The following NEDD4L variants were observed in gnomAD, a reference collection of about 807,000 sequenced individuals.
The protein encoded by NEDD4L is NEDD4 like E3 ubiquitin protein ligase, also known as E3 ubiquitin-protein ligase NEDD4-like.
A neutral mutation model predicts 148.9 loss-of-function variants in NEDD4L; 54 were observed. The observed-to-expected ratio is 0.36, with a 90% CI of 0.29 to 0.45. The LOEUF (loss-of-function observed/expected upper bound fraction) is 0.45, where lower values mean the gene tolerates loss of function less well. Ranked by LOEUF, NEDD4L falls within the 20% of genes least tolerant of loss-of-function variation. NEDD4L has a pLI of 1.00. For missense variants in NEDD4L, 856 were observed against 1,233.8 expected (o/e 0.69, Z 4.59); for synonymous variants, 433 against 440.7 (o/e 0.98, Z 0.22).
intron 2 of NEDD4L, chr18:58,193,973 C>T (rs749471249): frequency 6.6e-6 from 1 of 152,478 alleles, no homozygotes; most frequent in East Asian, 1.9e-4. Context: ...TGGTTGTTTT[C>T]CTTTTCTCCA....
At chr18:58,245,674 C>CTTTTTTTTTTTTTTTTTTTTT (rs57282316) in intron 3 of NEDD4L, among the ~76,000 whole-genome samples, 166 bp downstream of exon 3, 1 of 89,268 alleles carries the variant, frequency 1.1e-5, no homozygotes, top group Non-Finnish European at 2.1e-5. Flanking sequence ...CACTTTTTCT[C>CTTTTTTTTTTTTTTTTTTTTT]TTTTTTTTTT....
intron 5 of NEDD4L, among the ~76,000 whole-genome samples, chr18:58,305,057 C>T (rs1202706273): frequency 6.6e-6 from 1 of 152,210 alleles, no homozygotes; most frequent in African/African-American, 2.4e-5. Context: ...GCCAGAAATG[C>T]ACCATCTTCT....
intron 19 of NEDD4L, among the ~76,000 whole-genome samples, chr18:58,362,249 A>G (rs530451606): frequency 6.6e-6 from 1 of 152,236 alleles, no homozygotes; most frequent in Non-Finnish European, 1.5e-5. Context: ...ACTTGCATAC[A>G]CAGTGATGAC....
At chr18:58,280,249 C>CCATGTCACTGTCCAGCG (rs1243904081) in intron 5 of NEDD4L, among the ~76,000 whole-genome samples, 1 of 152,108 alleles carries the variant, frequency 6.6e-6, no homozygotes, top group Non-Finnish European at 1.5e-5. Context: ...GGTGTGTGGC[C>CCATGTCACTGTCCAGCG]CATGTCACTG....
rs372281428 is a variant in NEDD4L at position 58,132,269 on chromosome 18, C to G, written c.49-33519C>G. On this transcript the variant is annotated intron_variant, in intron 1 of 30. Coordinates refer to ENST00000400345, the MANE Select transcript of NEDD4L (RefSeq NM_001144967.3). ...AGTGGTGGTGGTTTTTTGCCACCCACAGGAGAGAGGGGATTAGAAGAAAAA... is the reference window on the plus strand; with the variant it reads ...AGTGGTGGTGGTTTTTTGCCACCCAGAGGAGAGAGGGGATTAGAAGAAAAA... 1.8e-3 allele frequency among the ~76,000 whole-genome samples: 276 copies of G among 152,158 alleles called. 1 individual carries two copies. Among genetic ancestry groups the G allele is most frequent in the African/African-American group, 6.4e-3 (264 of 41,516 alleles).
intron 1 of NEDD4L, among the ~76,000 whole-genome samples, chr18:58,108,755 A>C (rs2085235764): frequency 6.6e-6 from 1 of 152,200 alleles, no homozygotes; most frequent in Admixed American, 6.5e-5. Flanking sequence ...ATTTTGGTAT[A>C]ATAGAGACTG....
intron 2 of NEDD4L, among the ~76,000 whole-genome samples, chr18:58,166,562 A>C (rs1408769017): frequency 2.6e-5 from 4 of 152,230 alleles, no homozygotes; most frequent in Non-Finnish European, 5.9e-5. Flanking sequence ...CCTGGAATGG[A>C]CATGAGTGAT....
At chr18:58,210,081 G>A (rs2042446398) in intron 2 of NEDD4L, among the ~76,000 whole-genome samples, 1 of 152,138 alleles carries the variant, frequency 6.6e-6, no homozygotes, top group African/African-American at 2.4e-5. Flanking sequence ...CAGGAGAATT[G>A]CCCAAACCTG....
intron 19 of NEDD4L, among the ~76,000 whole-genome samples, chr18:58,358,741 T>G (rs140806377): frequency 8.9e-4 from 135 of 152,324 alleles, no homozygotes; most frequent in African/African-American, 3.1e-3. Flanking sequence ...ATCAACTTAG[T>G]GTAGACATTT....
intron 5 of NEDD4L, among the ~76,000 whole-genome samples, chr18:58,310,989 C>T (rs904700236): frequency 6.6e-6 from 1 of 152,136 alleles, no homozygotes; most frequent in Non-Finnish European, 1.5e-5. Context: ...CAATTCCCTT[C>T]CATTTGTCTT....
At chr18:58,128,002 C>T (rs1465404890) in intron 1 of NEDD4L, among the ~76,000 whole-genome samples, 1 of 151,924 alleles carries the variant, frequency 6.6e-6, no homozygotes, top group Non-Finnish European at 1.5e-5. Flanking sequence ...CCACCATGCC[C>T]GGCTAATTTT....
At chr18:58,338,101 G>A (rs749368376) in intron 13 of NEDD4L, among the ~76,000 whole-genome samples, 11 of 152,196 alleles carry the variant, frequency 7.2e-5, no homozygotes, top group Non-Finnish European at 1.3e-4. Context: ...GTTTACAATC[G>A]TGTTCTTTAT....
At position 58,050,331 on chromosome 18, in the gene NEDD4L, G is replaced by A. The variant is rs565747961; in HGVS notation, c.48+5623G>A. Among the ~76,000 whole-genome samples, 11 of 151,674 alleles carry A rather than the reference G, an allele frequency of 7.3e-5. No homozygotes were observed. In the South Asian group the frequency reaches 2.3e-3, roughly 32 times the overall value. On this transcript the variant is annotated intron_variant, in intron 1 of 30. Coordinates refer to ENST00000400345, the MANE Select transcript of NEDD4L (RefSeq NM_001144967.3). ...TAAATGAAAAAAAAATCAGCTGGGT[G>A]TGGTGGTGGACACCTGTAATCCCAG...
chr18:58,233,217 CTAATAA>C (rs926186703), intron 2 of NEDD4L, among the ~76,000 whole-genome samples: 34 of 152,102 alleles, frequency 2.2e-4, no homozygotes, highest in African/African-American at 6.7e-4. Context: ...AATAATCAAA[CTAATAA>C]TAATAATAAT....
intron 3 of NEDD4L, 51 bp from the exon 4 acceptor site, chr18:58,248,848 C>T: frequency 3.2e-6 from 3 of 949,780 alleles, no homozygotes; most frequent in Non-Finnish European, 5.0e-6. Flanking sequence ...GTACTAGTAA[C>T]TGCTAATGTT....
At chr18:58,133,926 C>T (rs987381330) in intron 1 of NEDD4L, among the ~76,000 whole-genome samples, 4 of 152,198 alleles carry the variant, frequency 2.6e-5, no homozygotes, top group East Asian at 1.9e-4. Context: ...AGGAGATAGA[C>T]GTTACTTTAT....
At position 58,140,429 on chromosome 18, in the gene NEDD4L, C is replaced by T. The variant is rs138519238; in HGVS notation, c.49-25359C>T. On this transcript the variant is annotated intron_variant, in intron 1 of 30. Transcript: ENST00000400345. Reference sequence around the variant, plus strand: ...ACTGGTGCTGCCTGCTGTGAAAATGCCAGTCAGGTTGCTTCCTTCATAGTA... The same window carrying T: ...ACTGGTGCTGCCTGCTGTGAAAATGTCAGTCAGGTTGCTTCCTTCATAGTA... 2.5e-4 allele frequency among the ~76,000 whole-genome samples: 38 copies of T among 152,262 alleles called. 1 individual carries two copies. The highest frequency in any genetic ancestry group is 1.9e-3 in the South Asian group (9 of 4,822).
chr18:58,064,665 A>G (rs773250189), intron 1 of NEDD4L, among the ~76,000 whole-genome samples: 5 of 152,346 alleles, frequency 3.3e-5, no homozygotes, highest in Non-Finnish European at 7.3e-5. Flanking sequence ...GATCCTGAAT[A>G]CAAGGGCCGA....
intron 1 of NEDD4L, among the ~76,000 whole-genome samples, chr18:58,057,497 G>C (rs1295016311): frequency 1.3e-5 from 2 of 152,174 alleles, no homozygotes; most frequent in Admixed American, 6.5e-5. Flanking sequence ...ATCTCGCTTG[G>C]TCATTGTCCT....
Sources: gnomAD v4.1 joint callset for allele counts (sites outside exome capture counted in the v4.1 genomes callset) on GRCh38, gnomAD v4.1.1 for gene constraint, MANE v1.5 for transcripts, NCBI Gene and HGNC (gene_info 2026-07-23, HGNC 2026-07-21) for gene names.